CNTN6: variants seen among roughly 807,000 people sequenced by gnomAD.
CNTN6 encodes the protein contactin-6.
A neutral mutation model predicts 122.8 loss-of-function variants in CNTN6; 137 were observed. That is an observed-to-expected ratio of 1.12 (90% CI 0.97 to 1.29). The LOEUF (loss-of-function observed/expected upper bound fraction) is 1.29. CNTN6 is among the 50% of genes most tolerant of loss of function. CNTN6 has a pLI of 0.00. For missense variants in CNTN6, 1,634 were observed against 1,223.4 expected (o/e 1.34, Z -5.01); for synonymous variants, 570 against 426.0 (o/e 1.34, Z -4.16).
intron 3 of CNTN6, among the ~76,000 whole-genome samples, chr3:1,224,579 C>CA (rs59984017): frequency 6.4e-4 from 96 of 150,080 alleles, no homozygotes; most frequent in Middle Eastern, 3.4e-3. Context: ...AAATAAAACT[C>CA]AAAAAAAAAG....
intron 12 of CNTN6, among the ~76,000 whole-genome samples, chr3:1,359,643 C>T (rs547854916): frequency 6.6e-5 from 10 of 152,144 alleles, no homozygotes; most frequent in South Asian, 2.1e-4. Flanking sequence ...TGTAGATACA[C>T]GTGTGAGCAG....
At chr3:1,253,023 T>C (rs2125674891) in intron 4 of CNTN6, among the ~76,000 whole-genome samples, 1 of 152,324 alleles carries the variant, frequency 6.6e-6, no homozygotes, top group Middle Eastern at 3.4e-3. Flanking sequence ...GCTAAGATTG[T>C]ATTTAGAGAC....
intron 11 of CNTN6, among the ~76,000 whole-genome samples, chr3:1,345,640 CAATATT>C (rs1341331666): frequency 1.2e-4 from 19 of 152,036 alleles, no homozygotes; most frequent in Non-Finnish European, 2.2e-4. Context: ...CATTAAAATG[CAATATT>C]AATATTTAAT....
chr3:1,307,749 T>C (rs1464453073), intron 7 of CNTN6, among the ~76,000 whole-genome samples: 4 of 152,170 alleles, frequency 2.6e-5, no homozygotes, highest in Admixed American at 2.0e-4. Context: ...GTCAGTTTAT[T>C]GTAGGCTGCC....
intron 11 of CNTN6, among the ~76,000 whole-genome samples, chr3:1,339,627 G>A (rs1053091987): frequency 3.9e-5 from 6 of 152,040 alleles, no homozygotes; most frequent in East Asian, 1.9e-4. Flanking sequence ...ATTTTTCCTG[G>A]AAGAGAAAAG....
intron 7 of CNTN6, among the ~76,000 whole-genome samples, chr3:1,320,232 G>A (rs1700662155): frequency 6.6e-6 from 1 of 151,664 alleles, no homozygotes; most frequent in Admixed American, 6.6e-5. Flanking sequence ...CACTGTAATT[G>A]TATGTTAATT....
rs200776867 is a variant in CNTN6 at position 1,220,770 on chromosome 3, A to C, written c.139A>C (p.Ile47Leu). 6.2e-7 allele frequency: 1 copy of C among 1,612,744 alleles called. No individual in the cohort carries two copies. Among genetic ancestry groups the C allele is most frequent in the Non-Finnish European group, 8.5e-7 (1 of 1,179,300 alleles). Residue 47 changes from isoleucine to leucine, a missense_variant, in exon 3 of 23, where the codon ATC (isoleucine) becomes CTC (leucine). Physicochemically the swap from Ile to Leu is conservative, Grantham distance 5. Transcript: ENST00000446702. ...FPLDLSKSEV[I>L]LNCAANGYPS... ...TTTGGATTTATCAAAATCTGAGGTC[A>C]TCCTGAATTGTGCTGCTAATGGTTA...
In CNTN6 at chr3:1,325,960, C is replaced by CT. The variant is rs749917491; in HGVS notation, c.1083+10dup. 2.3e-4 allele frequency: 366 copies of CT among 1,602,746 alleles called. No individual in the cohort carries two copies. The highest frequency in any genetic ancestry group is 3.0e-4 in the Non-Finnish European group (355 of 1,175,874). The stretch of plus-strand genomic sequence containing the variant: ...AACGACTCAACCCAGAGGTAAGCAA[C>CT]TATGTTGATATTAAAAGTTTACCTA... On this transcript the variant is annotated intron_variant, in intron 9 of 22. Coordinates refer to ENST00000446702, the MANE Select transcript of CNTN6 (RefSeq NM_001289080.2).
In CNTN6 at chr3:1,321,661, A is replaced by G. The variant is rs760871293; in HGVS notation, c.773A>G (p.Asp258Gly). 9 of 1,611,048 alleles carry G rather than the reference A, an allele frequency of 5.6e-6. No individual in the cohort carries two copies. In the South Asian group the frequency reaches 8.8e-5, roughly 16 times the overall value. The change falls in exon 8 of 23, where the codon GAT becomes GGT. Residue 258 changes from aspartate to glycine, a missense_variant. Coordinates refer to ENST00000446702, the MANE Select transcript of CNTN6 (RefSeq NM_001289080.2). ...GTGTAACTGTTTAGTCCAGTCCCCG[A>G]TATTAGTTGGAGAAGGTTGGACGGG... ...ECFALGNPVP[D>G]ISWRRLDGSP...
At chr3:1,292,784 T>C (rs1695541713) in intron 5 of CNTN6, among the ~76,000 whole-genome samples, 1 of 152,138 alleles carries the variant, frequency 6.6e-6, no homozygotes. Flanking sequence ...AAAATTATAA[T>C]ACGACAGAAA....
At chr3:1,385,850 T>TA in intron 20 of CNTN6, 53 bp downstream of exon 20, 1 of 1,440,760 alleles carries the variant, frequency 6.9e-7, no homozygotes, top group South Asian at 1.4e-5. Flanking sequence ...GAGCAACCTA[T>TA]TCCTTTGCTT....
At chr3:1,379,862 G>A (rs1482632970) in intron 17 of CNTN6, among the ~76,000 whole-genome samples, 1 of 152,154 alleles carries the variant, frequency 6.6e-6, no homozygotes, top group Non-Finnish European at 1.5e-5. Context: ...ATATTTAGGA[G>A]AAGATTCATA....
intron 4 of CNTN6, among the ~76,000 whole-genome samples, chr3:1,272,095 GC>G (rs1263535962): frequency 6.6e-6 from 1 of 152,188 alleles, no homozygotes; most frequent in African/African-American, 2.4e-5. Flanking sequence ...ACACTGTCTT[GC>G]CTGCCGCCAT....
chr3:1,321,583 CTCT>C, intron 7 of CNTN6, 64 bp from the exon 8 acceptor site: 3 of 1,346,464 alleles, frequency 2.2e-6, no homozygotes, highest in Non-Finnish European at 3.0e-6. Flanking sequence ...TGTATGGATG[CTCT>C]TCTTTTATTT....
intron 1 of CNTN6, among the ~76,000 whole-genome samples, chr3:1,094,599 T>C (rs1376823467): frequency 6.6e-6 from 1 of 151,796 alleles, no homozygotes; most frequent in East Asian, 1.9e-4. Flanking sequence ...AGGACCAGAA[T>C]TTTTTTTTAG....
intron 11 of CNTN6, among the ~76,000 whole-genome samples, chr3:1,342,929 T>C (rs979510817): frequency 7.2e-5 from 11 of 152,116 alleles, no homozygotes; most frequent in African/African-American, 2.4e-4. Context: ...TTAAAAGTTA[T>C]ACTGACTGTG....
At chr3:1,347,914 T>G (rs1244177891) in intron 11 of CNTN6, among the ~76,000 whole-genome samples, 2 of 151,744 alleles carry the variant, frequency 1.3e-5, no homozygotes, top group African/African-American at 2.4e-5. Context: ...AGCCCAGATA[T>G]AGTTCTCAGG....
chr3:1,393,571 A>AAAG (rs1207500457), intron 20 of CNTN6, among the ~76,000 whole-genome samples: 4 of 83,132 alleles, frequency 4.8e-5, no homozygotes, highest in Non-Finnish European at 1.4e-4. Context: ...AAAAAAAAAA[A>AAAG]AAAGAAACTC....
chr3:1,324,874 G>A (rs17444084), intron 8 of CNTN6, among the ~76,000 whole-genome samples: 11,773 of 149,392 alleles, frequency 0.079, 722 homozygotes, highest in Non-Finnish European at 0.11. Flanking sequence ...ACCTAACATC[G>A]CTGCGAGAAT....
Sources: allele counts gnomAD v4.1 joint callset (sites outside exome capture counted in the v4.1 genomes callset), GRCh38; gene constraint gnomAD v4.1.1; transcripts MANE v1.5; gene names NCBI Gene and HGNC (gene_info 2026-07-23, HGNC 2026-07-21).